HAUS5: variants seen among roughly 807,000 people sequenced by gnomAD.
HAUS5 encodes the protein HAUS augmin-like complex subunit 5.
In HAUS5, 67 loss-of-function variants were observed where a neutral mutation model predicts 94.1. The ratio of observed to expected loss-of-function variants is 0.71; its 90% CI spans 0.58 to 0.87. The LOEUF (loss-of-function observed/expected upper bound fraction) is 0.87, where lower values mean the gene tolerates loss of function less well. Ranked by LOEUF, HAUS5 falls within the 40% of genes least tolerant of loss-of-function variation. The probability of loss-of-function intolerance (pLI) is 0.00; values close to 1 mark genes in which losing one functional copy is unlikely to be tolerated. For missense variants in HAUS5, 739 were observed against 825.6 expected, an observed-to-expected ratio of 0.90 and a Z score of 1.29; for synonymous variants, 339 against 355.4, an observed-to-expected ratio of 0.95 and a Z score of 0.52.
At chr19:35,613,675 G>A in intron 1 of HAUS5, 55 bp from the exon 2 acceptor site, 1 of 1,519,578 alleles carries the variant, frequency 6.6e-7, no homozygotes, top group Non-Finnish European at 9.1e-7. Context: ...CTAGGAATGA[G>A]GATCCCACAC....
Position 35,620,305 on chromosome 19 carries a change from G to A in HAUS5, c.1629G>A (p.Leu543=). Reference sequence around the variant, plus strand: ...ATCTACTCCACATGAAGACCAGCCTGCCGCCAGGCCTTCCCACCCAGGGTA... The same window carrying A: ...ATCTACTCCACATGAAGACCAGCCTACCGCCAGGCCTTCCCACCCAGGGTA... ...CWDLLHMKTS[L]PPGLPTQELL... is the part of the protein sequence containing the mutation. The change falls in exon 17 of 19, where the codon CTG becomes CTA. Residue 543 remains leucine (L), a synonymous_variant. Transcript: ENST00000203166. 1.2e-6 allele frequency: 2 copies of A among 1,612,874 alleles called. No homozygotes were observed. Among genetic ancestry groups the A allele is most frequent in the Non-Finnish European group, 1.7e-6 (2 of 1,179,662 alleles).
At chr19:35,614,808 T>C (rs1447959977) in intron 4 of HAUS5, among the ~76,000 whole-genome samples, 4 of 152,012 alleles carry the variant, frequency 2.6e-5, no homozygotes. Context: ...AAGAGATCAG[T>C]ACTGGGACAA....
rs767626953 is a variant in HAUS5 at position 35,620,176 on chromosome 19, T to C, written c.1519-19T>C. Reference sequence around the variant, plus strand: ...TCCCCAGCCCCGCCCCAGGTGACCGTCCTTCCCTCCTCCTCCAGGCCTCGG... The same window carrying C: ...TCCCCAGCCCCGCCCCAGGTGACCGCCCTTCCCTCCTCCTCCAGGCCTCGG... On this transcript the variant is annotated intron_variant, in intron 16 of 18. Transcript: ENST00000203166. 1 of 1,611,712 alleles carries C rather than the reference T, an allele frequency of 6.2e-7. No individual in the cohort carries two copies. The highest frequency in any genetic ancestry group is 8.5e-7 in the Non-Finnish European group (1 of 1,178,122).
chr19:35,619,791 A>C, intron 15 of HAUS5, 33 bp downstream of exon 15: 2 of 1,514,906 alleles, frequency 1.3e-6, no homozygotes, highest in Non-Finnish European at 1.8e-6. Context: ...CCTGCCCTGC[A>C]TCCCCTGCCA....
chr19:35,617,068 G>C (rs2071949507), intron 6 of HAUS5, 56 bp from the exon 7 acceptor site: 1 of 1,435,050 alleles, frequency 7.0e-7, no homozygotes, highest in Non-Finnish European at 9.8e-7. Flanking sequence ...GAGGAGATGG[G>C]GCACAGACAT....
At chr19:35,618,735 C>G in intron 12 of HAUS5, 36 bp downstream of exon 12, 1 of 1,549,820 alleles carries the variant, frequency 6.5e-7, no homozygotes, top group South Asian at 1.2e-5. Flanking sequence ...TCTAGGCCAT[C>G]TCGCTTCTGA....
intron 17 of HAUS5, among the ~76,000 whole-genome samples, chr19:35,621,123 A>C (rs979752088): frequency 6.6e-6 from 1 of 152,182 alleles, no homozygotes; most frequent in Admixed American, 6.5e-5. Flanking sequence ...GGATAAATAC[A>C]TGGAAGAGGA....
At chr19:35,619,308 G>T in intron 13 of HAUS5, 116 bp from the exon 14 acceptor site, 1 of 831,128 alleles carries the variant, frequency 1.2e-6, no homozygotes, top group Non-Finnish European at 1.9e-6. Context: ...TTAAGAACTG[G>T]GCCTCCTAGG....
At chr19:35,613,434 A>C (rs931484000) in intron 1 of HAUS5, among the ~76,000 whole-genome samples, 5 of 152,076 alleles carry the variant, frequency 3.3e-5, no homozygotes, top group African/African-American at 1.2e-4. Flanking sequence ...ATGTTTTACC[A>C]ATTAGCCGGG....
rs764481341 is a variant in HAUS5 at position 35,615,079 on chromosome 19, G to A, written c.257G>A (p.Arg86His). ...TTAGAGCTGGAAGCTGCTGTGACCC[G>A]CCTGCGGGCAGAAATCCAGGAACTC... is the stretch of plus-strand genomic sequence containing the variant. The part of the protein sequence containing the change: ...RKLELEAAVT[R>H]LRAEIQELDQ... The change falls in exon 5 of 19, where the codon CGC becomes CAC. Residue 86 changes from arginine (R) to histidine (H), a missense_variant. By Grantham distance (29) the Arg-to-His change is conservative. Coordinates refer to ENST00000203166, the MANE Select transcript of HAUS5 (RefSeq NM_015302.2). 4.4e-6 allele frequency: 7 copies of A among 1,604,686 alleles called. No homozygotes were observed. The highest frequency in any genetic ancestry group is 3.4e-5 in the South Asian group (3 of 89,516).
chr19:35,617,177 T>C lies in HAUS5; in HGVS notation c.539T>C (p.Leu180Pro). Residue 180 changes from leucine (L) to proline (P), a missense_variant, in exon 7 of 19, where the codon CTG (leucine) becomes CCG (proline). By Grantham distance (98) the Leu-to-Pro change is moderately conservative (BLOSUM62 -3). Coordinates refer to ENST00000203166, the MANE Select transcript of HAUS5 (RefSeq NM_015302.2). ...TCCCTCACGTCGGCAGCTCTGGGCC[T>C]GGAGCCCGTGGTCCTGGTAAGAGTC... is the stretch of plus-strand genomic sequence containing the variant. Reference protein sequence around the residue: ...FGSLTSAALGLEPVVLRDVRT... With the variant: ...FGSLTSAALGPEPVVLRDVRT... The C allele has an allele frequency of 3.7e-6, 6 of 1,613,954 alleles. No homozygotes were observed. Among genetic ancestry groups the C allele is most frequent in the Non-Finnish European group, 5.1e-6 (6 of 1,179,818 alleles).
chr19:35,614,913 C>T, intron 4 of HAUS5, 129 bp from the exon 5 acceptor site: 2 of 639,118 alleles, frequency 3.1e-6, no homozygotes, highest in Non-Finnish European at 5.5e-6. Flanking sequence ...TACCCTAATG[C>T]TTCTGTGTCA....
rs1967262173 is a variant in HAUS5, at chr19:35,624,066, T to C, written c.*1073T>C. The stretch of plus-strand genomic sequence containing the variant: ...CCTACAGTAGCTTAATAGAAAGGCT[T>C]GTGACACATTGTCATATCTGTTCTT... On this transcript the variant is annotated 3_prime_UTR_variant, in exon 19 of 19. Transcript: ENST00000203166. 2 of 151,964 alleles carry C rather than the reference T, an allele frequency of 1.3e-5. No individual in the cohort carries two copies. The highest frequency in any genetic ancestry group is 4.8e-5 in the African/African-American group (2 of 41,358). The allele number at this position is 151,964 out of a possible 1,614,324, so 9.4% of individuals were successfully genotyped here.
Position 35,623,339 on chromosome 19 carries a change from G to A in HAUS5, c.*346G>A. 1 of 240,436 alleles carries A rather than the reference G, an allele frequency of 4.2e-6. No individual in the cohort carries two copies. The highest frequency in any genetic ancestry group is 6.1e-5 in the South Asian group (1 of 16,462). 14.9% of individuals were successfully genotyped at this position (240,436 alleles called of 1,614,324 possible). ...AGGGAGACAGAGTTTACAAGATAAG[G>A]AAAATATATATGTAGTATGCTGCAA... On this transcript the variant is annotated 3_prime_UTR_variant, in exon 19 of 19. Coordinates refer to ENST00000203166, the MANE Select transcript of HAUS5 (RefSeq NM_015302.2).
At position 35,619,441 on chromosome 19, in the gene HAUS5, G is replaced by A. The variant is rs1314090648; in HGVS notation, c.1197G>A (p.Gln399=). ...TTCCTCAGGAGGAGACCCAGGAACAGGTCCGCCTGCTCATCAAGGGAAACT... is the reference window on the plus strand; with the variant it reads ...TTCCTCAGGAGGAGACCCAGGAACAAGTCCGCCTGCTCATCAAGGGAAACT... ...WRQLVEETQE[Q]VRLLIKGNSA... is the part of the protein sequence containing the mutation. The change falls in exon 14 of 19, where the codon CAG becomes CAA. Residue 399 remains glutamine (Q), a synonymous_variant. Transcript: ENST00000203166. 1 of 1,603,052 alleles carries A rather than the reference G, an allele frequency of 6.2e-7. No homozygotes were observed. The highest frequency in any genetic ancestry group is 8.5e-7 in the Non-Finnish European group (1 of 1,174,074).
intron 4 of HAUS5, 136 bp downstream of exon 4, chr19:35,614,195 G>A: frequency 1.3e-6 from 1 of 784,692 alleles, no homozygotes; most frequent in Non-Finnish European, 2.2e-6. Flanking sequence ...TCCTCATAGG[G>A]CTTAAAGTCC....
chr19:35,614,618 G>C (rs1470341797), intron 4 of HAUS5, among the ~76,000 whole-genome samples: 1 of 152,104 alleles, frequency 6.6e-6, no homozygotes, highest in Non-Finnish European at 1.5e-5. Flanking sequence ...GCATTAATTA[G>C]CTGGGCGCAG....
At position 35,619,433 on chromosome 19, in the gene HAUS5, C is replaced by A; in HGVS notation, c.1189C>A (p.Gln397Lys). The A allele has an allele frequency of 3.1e-6, 5 of 1,597,374 alleles. No individual in the cohort carries two copies. The South Asian group carries it at 5.7e-5, about 18-fold the overall frequency. ...TATCCTGGTTCCTCAGGAGGAGACC[C>A]AGGAACAGGTCCGCCTGCTCATCAA... ...LHWRQLVEET[Q>K]EQVRLLIKGN... Residue 397 changes from glutamine (Q) to lysine (K), a missense_variant, in exon 14 of 19, where the codon CAG (glutamine) becomes AAG (lysine). By Grantham distance (53) the Gln-to-Lys change is moderately conservative. Transcript: ENST00000203166.
Position 35,615,310 on chromosome 19 carries a change from C to G in HAUS5, c.409C>G (p.Arg137Gly), listed in dbSNP as rs1462903275. 1.2e-6 allele frequency: 2 copies of G among 1,613,552 alleles called. No individual in the cohort carries two copies. Among genetic ancestry groups the G allele is most frequent in the Non-Finnish European group, 1.7e-6 (2 of 1,179,792 alleles). ...LLLRAQAGAM[R>G]RQQHTLRDPM... ...CCTCCGGGCCCAAGCTGGGGCCATG[C>G]GAAGACAGCAGCATACGCTCCGAGA... Residue 137 changes from arginine (R) to glycine (G), a missense_variant, in exon 6 of 19, where the codon CGA (arginine) becomes GGA (glycine). Physicochemically the swap from Arg to Gly is moderately radical, Grantham distance 125. Transcript: ENST00000203166.
Sources: allele counts gnomAD v4.1 joint callset (sites outside exome capture counted in the v4.1 genomes callset), GRCh38; gene constraint gnomAD v4.1.1; transcripts MANE v1.5; gene names NCBI Gene and HGNC (gene_info 2026-07-23, HGNC 2026-07-21).